DYNC2H1: variants seen among roughly 807,000 people sequenced by gnomAD.
DYNC2H1 encodes dynein cytoplasmic 2 heavy chain 1, also known as cytoplasmic dynein 2 heavy chain 1.
Under a neutral mutation model 570.0 loss-of-function variants are expected in DYNC2H1, and 410 were observed. That is an observed-to-expected ratio of 0.72 (90% confidence interval 0.66 to 0.78). The LOEUF (loss-of-function observed/expected upper bound fraction) is 0.78. DYNC2H1 is among the 30% of genes least tolerant of loss of function. DYNC2H1 has a pLI of 0.00. For missense variants in DYNC2H1, 4,865 were observed against 5,046.4 expected, an observed-to-expected ratio of 0.96 and a Z score of 1.09; for synonymous variants, 1,688 against 1,677.6, an observed-to-expected ratio of 1.01 and a Z score of -0.15.
rs1296722010 is a variant in DYNC2H1 at position 103,158,627 on chromosome 11, C to T, written c.4128-50C>T. On this transcript the variant is annotated intron_variant, in intron 26 of 88. Transcript: ENST00000375735. ...AAAAGTCTTAATCTGTTTTTCTTACCCCCCCAAATTGTTAAAGTAGATGTG... is the reference window on the plus strand; with the variant it reads ...AAAAGTCTTAATCTGTTTTTCTTACTCCCCCAAATTGTTAAAGTAGATGTG... The T allele has an allele frequency of 3.5e-6, 5 of 1,438,716 alleles. No homozygotes were observed. The African/African-American group carries it at 5.8e-5, about 17-fold the overall frequency. The allele number at this position is 1,438,716 out of a possible 1,614,324, so 89.1% of individuals were successfully genotyped here. A position where few individuals can be genotyped will look rare whatever the true frequency, so the allele number is the denominator to read the frequency against.
At chr11:103,447,316 G>A (rs948208913) in intron 85 of DYNC2H1, among the ~76,000 whole-genome samples, 3 of 152,034 alleles carry the variant, frequency 2.0e-5, no homozygotes, top group African/African-American at 7.2e-5. Context: ...TTAACAGTAA[G>A]GTAGGGTATA....
intron 83 of DYNC2H1, among the ~76,000 whole-genome samples, chr11:103,373,104 A>T (rs1250243000): frequency 6.6e-6 from 1 of 151,976 alleles, no homozygotes; most frequent in Admixed American, 6.6e-5. Context: ...CCACCATATT[A>T]GGCTAATTTT....
intron 54 of DYNC2H1, among the ~76,000 whole-genome samples, chr11:103,214,734 C>T (rs971251368): frequency 1.3e-5 from 2 of 151,776 alleles, no homozygotes; most frequent in African/African-American, 4.8e-5. Flanking sequence ...TGAGCCACTG[C>T]ACCCAGCCAC....
At chr11:103,332,995 T>TC in intron 82 of DYNC2H1, among the ~76,000 whole-genome samples, 1 of 129,048 alleles carries the variant, frequency 7.7e-6, no homozygotes, top group South Asian at 2.7e-4. Context: ...AGAGCAAGAC[T>TC]CCAACTCAAA....
In DYNC2H1 at chr11:103,455,178, C is replaced by T. The variant is rs756544728; in HGVS notation, c.12457-8C>T. On this transcript the variant is annotated splice_polypyrimidine_tract_variant and splice_region_variant and intron_variant, in intron 85 of 88. Transcript: ENST00000375735. ...TGTATTTATATGTTCATATTTCCCC[C>T]CCTCTAGAACTGGGTAGATAAAGCT... 3 of 1,604,156 alleles carry T rather than the reference C, an allele frequency of 1.9e-6. No homozygotes were observed. The highest frequency in any genetic ancestry group is 1.7e-6 in the Non-Finnish European group (2 of 1,172,310).
chr11:103,390,653 G>A (rs1186909789), intron 83 of DYNC2H1, among the ~76,000 whole-genome samples: 3 of 152,188 alleles, frequency 2.0e-5, no homozygotes, highest in Non-Finnish European at 4.4e-5. Flanking sequence ...TCCTTTCCAT[G>A]TTGAGTGCTT....
chr11:103,117,690 C>T lies in DYNC2H1; in HGVS notation c.826C>T (p.Pro276Ser). The change falls in exon 6 of 89, where the codon CCT (proline) becomes TCT (serine). Residue 276 changes from proline (P) to serine (S), a missense_variant. Transcript: ENST00000375735. Reference sequence around the variant, plus strand: ...GGGAACTTTGAACCTGTGGGAAGATCCTTATTATCTTGTGAAAGAAAGTCT... The same window carrying T: ...GGGAACTTTGAACCTGTGGGAAGATTCTTATTATCTTGTGAAAGAAAGTCT... ...KLGTLNLWED[P>S]YYLVKESLKA... 6.2e-7 allele frequency: 1 copy of T among 1,611,778 alleles called. No individual in the cohort carries two copies. Among genetic ancestry groups the T allele is most frequent in the Non-Finnish European group, 8.5e-7 (1 of 1,178,530 alleles).
rs180840419 is a variant in DYNC2H1, at chr11:103,200,417, G to T, written c.8197+263G>T. Among the ~76,000 whole-genome samples, 246 of 152,126 alleles carry T rather than the reference G, an allele frequency of 1.6e-3. 2 individuals are homozygous for T. Among genetic ancestry groups the T allele is most frequent in the Non-Finnish European group, 2.9e-3 (199 of 67,974 alleles). Reference sequence around the variant, plus strand: ...ATTGACTTTTACATATACTTTTGCTGGGTTATTATCTGTTATAACCTTTGG... The same window carrying T: ...ATTGACTTTTACATATACTTTTGCTTGGTTATTATCTGTTATAACCTTTGG... On this transcript the variant is annotated intron_variant, in intron 50 of 88. Coordinates refer to ENST00000375735, the MANE Select transcript of DYNC2H1 (RefSeq NM_001377.3).
At chr11:103,149,769 C>T (rs994685484) in intron 20 of DYNC2H1, among the ~76,000 whole-genome samples, 44 of 149,494 alleles carry the variant, frequency 2.9e-4, no homozygotes, top group Non-Finnish European at 5.2e-4. Context: ...CACGTGTGTG[C>T]GTGTGTGTGT....
chr11:103,421,750 A>T (rs904992734), intron 84 of DYNC2H1, among the ~76,000 whole-genome samples: 4 of 152,140 alleles, frequency 2.6e-5, no homozygotes, highest in Admixed American at 2.6e-4. Context: ...CCACATCAAA[A>T]AGCTGGAAAG....
At chr11:103,354,060 C>A in intron 82 of DYNC2H1, among the ~76,000 whole-genome samples, 1 of 151,228 alleles carries the variant, frequency 6.6e-6, no homozygotes, top group East Asian at 1.9e-4. Context: ...GACTGTAATC[C>A]CAGCTACTCG....
At chr11:103,371,931 T>TTTG (rs1184045069) in intron 83 of DYNC2H1, among the ~76,000 whole-genome samples, 3 of 61,680 alleles carry the variant, frequency 4.9e-5, no homozygotes, top group Non-Finnish European at 9.6e-5. Flanking sequence ...ATTTGGGTTT[T>TTTG]TTTTTTTTTT....
chr11:103,278,532 T>C (rs1459518497), intron 70 of DYNC2H1, among the ~76,000 whole-genome samples: 1 of 152,178 alleles, frequency 6.6e-6, no homozygotes, highest in Non-Finnish European at 1.5e-5. Flanking sequence ...ATGGAATTTA[T>C]ATCCAGTTTC....
chr11:103,385,788 C>T (rs1185774821), intron 83 of DYNC2H1, among the ~76,000 whole-genome samples: 2 of 152,160 alleles, frequency 1.3e-5, no homozygotes, highest in Admixed American at 1.3e-4. Flanking sequence ...TAGACATCCC[C>T]TTTCAAAGGA....
Position 103,361,625 on chromosome 11 carries a change from G to A in DYNC2H1, c.12156+3266G>A, listed in dbSNP as rs147742083. On this transcript the variant is annotated intron_variant, in intron 83 of 88. Coordinates refer to ENST00000375735, the MANE Select transcript of DYNC2H1 (RefSeq NM_001377.3). ...AGAAGATGGTGAGAAAGTAAGGAGA[G>A]CATTCAGGAAGCTCCTGCAGTAGTC... Among the ~76,000 whole-genome samples the A allele has an allele frequency of 3.8e-3, 580 of 152,126 alleles. 5 individuals carry two copies. Among genetic ancestry groups the A allele is most frequent in the African/African-American group, 0.013 (556 of 41,496 alleles).
chr11:103,383,839 C>A (rs1941766532), intron 83 of DYNC2H1, among the ~76,000 whole-genome samples: 1 of 152,110 alleles, frequency 6.6e-6, no homozygotes, highest in African/African-American at 2.4e-5. Context: ...TTAACTATAA[C>A]CCACAGCTTG....
intron 74 of DYNC2H1, among the ~76,000 whole-genome samples, chr11:103,286,683 CA>C (rs1476089024): frequency 6.6e-6 from 1 of 151,898 alleles, no homozygotes; most frequent in Non-Finnish European, 1.5e-5. Context: ...ACAAGTTTTA[CA>C]ATCATTTCCC....
In DYNC2H1 at chr11:103,254,091, A is replaced by G. The variant is rs552537896; in HGVS notation, c.10206+643A>G. Among the ~76,000 whole-genome samples the G allele has an allele frequency of 2.0e-4, 30 of 152,212 alleles. No homozygotes were observed. Among genetic ancestry groups the G allele is most frequent in the Non-Finnish European group, 3.4e-4 (23 of 67,982 alleles). ...TTTTGATTTATATGATAGCATACAT[A>G]TTTGCTGCAATTTTTACTTGATTGT... On this transcript the variant is annotated intron_variant, in intron 66 of 88. Coordinates refer to ENST00000375735, the MANE Select transcript of DYNC2H1 (RefSeq NM_001377.3). This position sits in a 1 kb window ranked among gnomAD's most constrained non-coding sequence, Gnocchi z 4.9.
intron 82 of DYNC2H1, among the ~76,000 whole-genome samples, chr11:103,338,090 A>G (rs1939243865): frequency 6.6e-6 from 1 of 152,180 alleles, no homozygotes; most frequent in African/African-American, 2.4e-5. Context: ...TCTTCTGCAT[A>G]AGGTTATCCA....
Sources: gnomAD v4.1 joint callset for allele counts (sites outside exome capture counted in the v4.1 genomes callset) on GRCh38, gnomAD v4.1.1 for gene constraint, Gnocchi (gnomAD v3.1) non-coding constraint, MANE v1.5 for transcripts, NCBI Gene and HGNC (gene_info 2026-07-23, HGNC 2026-07-21) for gene names.